Variants in RBM4B observed in about 807,000 individuals in gnomAD.
RBM4B encodes the protein RNA binding motif protein 4B.
In RBM4B, 13 loss-of-function variants were observed where a neutral mutation model predicts 28.5. That is an observed-to-expected ratio of 0.46 (90% CI 0.30 to 0.72). The LOEUF is 0.72. Ranked by LOEUF, RBM4B falls within the 30% of genes least tolerant of loss-of-function variation. RBM4B has a pLI of 0.09. For synonymous variants in RBM4B, 167 were observed against 179.1 expected (o/e 0.93, Z 0.54); for missense variants, 387 against 477.6 (o/e 0.81, Z 1.77).
chr11:66,668,893 A>G lies in RBM4B; in HGVS notation c.811T>C (p.Tyr271His), dbSNP rs1565092859. ...SHLNSTSVDP[Y>H]DRHLLPNSGA... ...GAGTTTGGCAATAGGTGTCTGTCAT[A>G]GGGATCAACAGAAGTAGAGTTGAGG... The change falls in exon 3 of 4, where the codon TAT becomes CAT. Residue 271 changes from tyrosine (Y) to histidine (H), a missense_variant. Tyr to His is a moderately conservative substitution (Grantham distance 83). Transcript: ENST00000310046. 1 of 1,614,222 alleles carries G rather than the reference A, an allele frequency of 6.2e-7. No individual in the cohort carries two copies. Among genetic ancestry groups the G allele is most frequent in the Non-Finnish European group, 8.5e-7 (1 of 1,180,032 alleles).
intron 3 of RBM4B, chr11:66,666,990 CCTGGG>C (rs1481096784): frequency 6.6e-6 from 1 of 151,832 alleles, no homozygotes; most frequent in African/African-American, 2.4e-5. Flanking sequence ...GTCTCTCACT[CCTGGG>C]CTCAAGGGAT....
chr11:66,673,057 A>G (rs1451995206), intron 2 of RBM4B, among the ~76,000 whole-genome samples: 1 of 152,182 alleles, frequency 6.6e-6, no homozygotes, highest in Non-Finnish European at 1.5e-5. Context: ...GAGCATTAAA[A>G]TGCTGAGAAG....
At chr11:66,677,202 A>G (rs1939666868) in intron 1 of RBM4B, 111 bp from the exon 2 acceptor site, 3 of 1,290,090 alleles carry the variant, frequency 2.3e-6, no homozygotes, top group Non-Finnish European at 3.2e-6. Context: ...AGACCCTCGT[A>G]CAGACATTCA....
chr11:66,672,512 G>A (rs1006460975), intron 2 of RBM4B, among the ~76,000 whole-genome samples: 42 of 150,822 alleles, frequency 2.8e-4, no homozygotes, highest in African/African-American at 7.6e-4. Flanking sequence ...TTTTGGGGGG[G>A]GGGGACAGAT....
At chr11:66,670,958 G>C in intron 2 of RBM4B, 1 of 702,552 alleles carries the variant, frequency 1.4e-6, no homozygotes, top group East Asian at 2.7e-5. Flanking sequence ...GCAGCTATGC[G>C]AGAGGAAGCC....
At chr11:66,670,844 G>C in intron 2 of RBM4B, 1 of 687,794 alleles carries the variant, frequency 1.5e-6, no homozygotes, top group Non-Finnish European at 2.6e-6. Context: ...AGTCAGTACA[G>C]ATAAAAAGAA....
chr11:66,669,304 G>T lies in RBM4B; in HGVS notation c.413-13C>A. The T allele has an allele frequency of 1.2e-6, 2 of 1,601,092 alleles. No homozygotes were observed. The highest frequency in any genetic ancestry group is 1.7e-6 in the Non-Finnish European group (2 of 1,171,164). Reference sequence around the variant, plus strand: ...TGCATTCTTTTGCCTTGAGGGAACAGATGTAAGAAGATTTATTTTAACTCA... The same window carrying T: ...TGCATTCTTTTGCCTTGAGGGAACATATGTAAGAAGATTTATTTTAACTCA... On this transcript the variant is annotated splice_polypyrimidine_tract_variant and intron_variant, in intron 2 of 3. Coordinates refer to ENST00000310046, the MANE Select transcript of RBM4B (RefSeq NM_031492.4).
chr11:66,668,294 G>GTC, intron 3 of RBM4B: 4 of 245,616 alleles, frequency 1.6e-5, no homozygotes, highest in South Asian at 9.2e-5. Context: ...ATATACAGAG[G>GTC]GCACATAACA....
rs776465986 is a variant in RBM4B at position 66,676,823 on chromosome 11, C to T, written c.257G>A (p.Ser86Asn). 6.2e-7 allele frequency: 1 copy of T among 1,614,172 alleles called. No homozygotes were observed. Among genetic ancestry groups the T allele is most frequent in the Admixed American group, 1.7e-5 (1 of 60,016 alleles). The change falls in exon 2 of 4, where the codon AGC (serine) becomes AAC (asparagine). Residue 86 changes from serine (S) to asparagine (N), a missense_variant. Around this residue, in one of 2 missense-constraint regions of RBM4B, gnomAD observed 161 missense variants for 256.9 expected, o/e 0.63. Transcript: ENST00000310046. ...ASTKLHVGNI[S>N]PTCTNQELRA... The stretch of plus-strand genomic sequence containing the variant: ...AAGCTCTTGGTTGGTACAAGTGGGG[C>T]TGATGTTACCCACGTGTAACTTGGT...
At chr11:66,673,746 C>A (rs918361995) in intron 2 of RBM4B, among the ~76,000 whole-genome samples, 3 of 152,172 alleles carry the variant, frequency 2.0e-5, no homozygotes, top group Non-Finnish European at 4.4e-5. Flanking sequence ...CAGGAGTGAG[C>A]CACCTCACCC....
chr11:66,669,333 G>T, intron 2 of RBM4B, 42 bp from the exon 3 acceptor site: 1 of 1,572,582 alleles, frequency 6.4e-7, no homozygotes. Context: ...TAACTCACTT[G>T]ACATTCTTTT....
intron 3 of RBM4B, chr11:66,666,115 C>G (rs1044080117): frequency 6.1e-6 from 5 of 813,774 alleles, no homozygotes; most frequent in East Asian, 2.7e-5. Flanking sequence ...ACATGTCACA[C>G]TGTCACAGAG....
rs147402658 is a variant in RBM4B, at chr11:66,665,907, C to G, written c.*10-329G>C. 168 of 1,535,466 alleles carry G rather than the reference C, an allele frequency of 1.1e-4. 1 individual carries two copies. The highest frequency in any genetic ancestry group is 9.2e-4 in the Admixed American group (47 of 50,944). ...TACTGTTGCTGTAACAAAGGGCATA[C>G]ATACATTTTCAAGAACTGCAATTTA... On this transcript the variant is annotated intron_variant, in intron 3 of 3. Transcript: ENST00000310046.
chr11:66,671,076 A>G (rs1939448721), intron 2 of RBM4B: 1 of 698,758 alleles, frequency 1.4e-6, no homozygotes, highest in East Asian at 2.7e-5. Context: ...ATATCACTTT[A>G]GTCAAATTCC....
chr11:66,666,026 A>C, intron 3 of RBM4B: 1 of 1,377,794 alleles, frequency 7.3e-7, no homozygotes, highest in South Asian at 1.4e-5. Flanking sequence ...TTTCACAGTA[A>C]ACAAGCTTTC....
chr11:66,666,485 G>T, intron 3 of RBM4B: 1 of 982,912 alleles, frequency 1.0e-6, no homozygotes, highest in Non-Finnish European at 1.2e-6. Context: ...GTCCATTTGA[G>T]GTTCACACCT....
At chr11:66,670,346 G>GAA (rs1339090931) in intron 2 of RBM4B, among the ~76,000 whole-genome samples, 2 of 151,146 alleles carry the variant, frequency 1.3e-5, no homozygotes, top group African/African-American at 4.9e-5. Flanking sequence ...GACATGTAAT[G>GAA]AAATGACTGT....
rs1183150627 is a variant in RBM4B, at chr11:66,668,710, A to C, written c.994T>G (p.Ser332Ala). ...TACAGAGAATTCCGTGTAGCTGCGG[A>C]AGCCTGAGATAATTCACTCTCTGGC... ...YGPESELSQA[S>A]AATRNSLYDM... Residue 332 changes from serine (S) to alanine (A), a missense_variant, in exon 3 of 4, where the codon TCC becomes GCC. By Grantham distance (99) the Ser-to-Ala change is moderately conservative. This residue lies in a region of RBM4B where 226 missense variants were observed against 220.6 expected (regional missense o/e 1.02). Transcript: ENST00000310046. 1.2e-6 allele frequency: 2 copies of C among 1,614,080 alleles called. No homozygotes were observed. Among genetic ancestry groups the C allele is most frequent in the Non-Finnish European group, 1.7e-6 (2 of 1,180,032 alleles).
chr11:66,675,470 A>G (rs1939606950), intron 2 of RBM4B: 2 of 152,230 alleles, frequency 1.3e-5, no homozygotes, highest in East Asian at 3.8e-4. Flanking sequence ...AGCTGGAGAT[A>G]CTTGATGGTG....
Sources: gnomAD v4.1 joint callset for allele counts (sites outside exome capture counted in the v4.1 genomes callset) on GRCh38, gnomAD v4.1.1 for gene constraint, gnomAD v4.1.1 regional missense constraint, MANE v1.5 for transcripts, NCBI Gene and HGNC (gene_info 2026-07-23, HGNC 2026-07-21) for gene names.